Variants in VPS39 observed in about 807,000 individuals in gnomAD.
VPS39 encodes the protein vam6/Vps39-like protein.
A neutral mutation model predicts 121.0 loss-of-function variants in VPS39; 70 were observed. The ratio of observed to expected loss-of-function variants is 0.58; its 90% CI spans 0.48 to 0.71. VPS39 has a LOEUF of 0.71. VPS39 is among the 30% of genes least tolerant of loss of function. VPS39 has a pLI of 0.00. For synonymous variants in VPS39, 378 were observed against 398.1 expected, an observed-to-expected ratio of 0.95 and a Z score of 0.60; for missense variants, 818 against 1,051.5, an observed-to-expected ratio of 0.78 and a Z score of 3.07.
rs1478939201 is a variant in VPS39, at chr15:42,164,420, A to G, written c.1964T>C (p.Met655Thr). Residue 655 changes from methionine (M) to threonine (T), a missense_variant, in exon 19 of 25, where the codon ATG becomes ACG. Coordinates refer to ENST00000318006, the MANE Select transcript of VPS39 (RefSeq NM_015289.5). ...ELGEYRQKLL[M>T]FLEISSYYDP... ...ATAGTAGCTGGAAATCTCCAAGAAC[A>G]TGAGGAGCTTTTGCCGGTATTCTCC... is the stretch of plus-strand genomic sequence containing the variant. The G allele has an allele frequency of 6.2e-7, 1 of 1,614,188 alleles. No homozygotes were observed. Among genetic ancestry groups the G allele is most frequent in the East Asian group, 2.2e-5 (1 of 44,882 alleles).
In VPS39 at chr15:42,187,845, G is replaced by C; in HGVS notation, c.354C>G (p.Thr118=). The stretch of plus-strand genomic sequence containing the variant: ...CACACATCCGTAACACCTCCTCACC[G>C]GTCTCTGTGTGCTGGGAGGAGACAT... ...LFTCDLQHTE[T]GEEVLRMCVA... The change falls in exon 6 of 25, where the codon ACC becomes ACG. Residue 118 remains threonine, a synonymous_variant. Coordinates refer to ENST00000318006, the MANE Select transcript of VPS39 (RefSeq NM_015289.5). 1 of 1,614,000 alleles carries C rather than the reference G, an allele frequency of 6.2e-7. No homozygotes were observed. Among genetic ancestry groups the C allele is most frequent in the Admixed American group, 1.7e-5 (1 of 59,998 alleles).
rs749468087 is a variant in VPS39, at chr15:42,165,011, G to T, written c.1882C>A (p.Leu628Met). ...GAACTGGTACCTGCAGGGAAGGACAGGAGATACTCCTTCATCAGACCTTGC... is the reference window on the plus strand; with the variant it reads ...GAACTGGTACCTGCAGGGAAGGACATGAGATACTCCTTCATCAGACCTTGC... ...KVQGLMKEYL[L>M]SFPAGKTPVP... Residue 628 changes from leucine to methionine, a missense_variant, in exon 18 of 25, where the codon CTG becomes ATG. By Grantham distance (15) the Leu-to-Met change is conservative (BLOSUM62 2). Coordinates refer to ENST00000318006, the MANE Select transcript of VPS39 (RefSeq NM_015289.5). 1 of 1,614,236 alleles carries T rather than the reference G, an allele frequency of 6.2e-7. No homozygotes were observed. The highest frequency in any genetic ancestry group is 8.5e-7 in the Non-Finnish European group (1 of 1,180,042).
rs747523223 is a variant in VPS39, at chr15:42,161,758, T to G, written c.2476A>C (p.Ile826Leu). The G allele has an allele frequency of 2.2e-5, 36 of 1,614,108 alleles. No individual in the cohort carries two copies. The South Asian group carries it at 4.0e-4, about 18-fold the overall frequency. ...AEFLRVQEERILHQQVKCIIT... is the reference protein window; with the variant it reads ...AEFLRVQEERLLHQQVKCIIT... ...ATGCACTTCACCTGCTGGTGTAAAA[T>G]CCGCTCTTCCTGGACCTGGAAGAAC... is the stretch of plus-strand genomic sequence containing the variant. Residue 826 changes from isoleucine (I) to leucine (L), a missense_variant, in exon 24 of 25, where the codon ATT (isoleucine) becomes CTT (leucine). Ile to Leu is a conservative substitution (Grantham distance 5). Coordinates refer to ENST00000318006, the MANE Select transcript of VPS39 (RefSeq NM_015289.5).
intron 1 of VPS39, among the ~76,000 whole-genome samples, chr15:42,203,794 C>T (rs1429958855): frequency 6.6e-6 from 1 of 152,228 alleles, no homozygotes; most frequent in Admixed American, 6.5e-5. Flanking sequence ...TTGGGTCCTC[C>T]ACTCTCTAGG....
At chr15:42,168,566 C>CA (rs1222834768) in intron 12 of VPS39, among the ~76,000 whole-genome samples, 4 of 143,326 alleles carry the variant, frequency 2.8e-5, no homozygotes, top group African/African-American at 5.2e-5. Context: ...TTTTTTGAGA[C>CA]AGAGTCTCAC....
Position 42,166,792 on chromosome 15 carries a change from T to A in VPS39, c.1499A>T (p.Lys500Met). ...CACACCTTTCTCGTGGAGCCCCTTC[T>A]TCTCATACAGGATGATAAGCTCACT... is the stretch of plus-strand genomic sequence containing the variant. ...KYSELIILYE[K>M]KGLHEKALQV... is the part of the protein sequence containing the mutation. Residue 500 changes from lysine to methionine, a missense_variant, in exon 14 of 25, where the codon AAG becomes ATG. Coordinates refer to ENST00000318006, the MANE Select transcript of VPS39 (RefSeq NM_015289.5). 1.9e-6 allele frequency: 3 copies of A among 1,614,206 alleles called. No homozygotes were observed. Among genetic ancestry groups the A allele is most frequent in the Non-Finnish European group, 2.5e-6 (3 of 1,179,998 alleles).
chr15:42,192,349 CA>C (rs2140879477), intron 2 of VPS39, among the ~76,000 whole-genome samples: 1 of 152,286 alleles, frequency 6.6e-6, no homozygotes, highest in South Asian at 2.1e-4. Context: ...ATTCCAAGCT[CA>C]TATTTGAGGG....
At position 42,189,226 on chromosome 15, in the gene VPS39, T is replaced by G. The variant is rs372420854; in HGVS notation, c.248-18A>C. ...GTTATTTTCTGTTTGGGAGGAGGTA[T>G]AACATCAGGATCAATGATCATAATT... On this transcript the variant is annotated intron_variant, in intron 4 of 24. Transcript: ENST00000318006. The G allele has an allele frequency of 3.5e-5, 55 of 1,583,376 alleles. No individual in the cohort carries two copies. In the African/African-American group the frequency reaches 6.7e-4, roughly 19 times the overall value.
chr15:42,174,322 C>CT (rs1040808223), intron 10 of VPS39, among the ~76,000 whole-genome samples: 11 of 152,284 alleles, frequency 7.2e-5, no homozygotes, highest in African/African-American at 2.6e-4. Context: ...CCCTTACAGT[C>CT]TAACTGTAAG....
At chr15:42,191,419 T>C (rs1018461038) in intron 3 of VPS39, 77 bp downstream of exon 3, 56 of 1,431,618 alleles carry the variant, frequency 3.9e-5, no homozygotes, top group Non-Finnish European at 5.2e-5. Flanking sequence ...AGTTAATAAA[T>C]AACATTACCA....
At chr15:42,195,384 G>A (rs2049915491) in intron 2 of VPS39, among the ~76,000 whole-genome samples, 1 of 152,114 alleles carries the variant, frequency 6.6e-6, no homozygotes, top group Admixed American at 6.6e-5. Context: ...AGTCCAGCCT[G>A]GGCAATCTGG....
rs1318958851 is a variant in VPS39, at chr15:42,198,996, A to T, written c.139+900T>A. Among the ~76,000 whole-genome samples the T allele has an allele frequency of 2.0e-5, 3 of 152,272 alleles. No individual in the cohort carries two copies. The East Asian group carries it at 5.8e-4, about 29-fold the overall frequency. ...ATATCTTCTCTTTCCCGAGTGCACT[A>T]GTAAGGTGCTTTTTCCCCCAGTGTT... On this transcript the variant is annotated intron_variant, in intron 2 of 24. Coordinates refer to ENST00000318006, the MANE Select transcript of VPS39 (RefSeq NM_015289.5).
chr15:42,208,200 G>C lies in VPS39; in HGVS notation c.-47C>G, dbSNP rs750549547. ...ACCGCCGTCTCGCCCAGAGTGTTCC[G>C]GGCCGGGCTGGGGTCCGGAACGAGT... On this transcript the variant is annotated 5_prime_UTR_variant, in exon 1 of 25. Transcript: ENST00000318006. 2 of 1,551,846 alleles carry C rather than the reference G, an allele frequency of 1.3e-6. No homozygotes were observed. Among genetic ancestry groups the C allele is most frequent in the South Asian group, 1.2e-5 (1 of 84,154 alleles).
intron 10 of VPS39, among the ~76,000 whole-genome samples, chr15:42,174,734 G>A (rs2049414031): frequency 6.6e-6 from 1 of 152,164 alleles, no homozygotes; most frequent in Admixed American, 6.5e-5. Flanking sequence ...AGCACCTTGG[G>A]AGGCCGAGGT....
At position 42,162,350 on chromosome 15, in the gene VPS39, G is replaced by T; in HGVS notation, c.2307C>A (p.Ser769Arg). ...AALQVLELHHSKLDTTKALNL... is the reference protein window; with the variant it reads ...AALQVLELHHRKLDTTKALNL... ...TCCTGACCTTGGTGGTGTCCAGTTTGCTGTGGTGTAGCTCGAGGACCTGCA... is the reference window on the plus strand; with the variant it reads ...TCCTGACCTTGGTGGTGTCCAGTTTTCTGTGGTGTAGCTCGAGGACCTGCA... The change falls in exon 22 of 25, where the codon AGC (serine) becomes AGA (arginine). Residue 769 changes from serine (S) to arginine (R), a missense_variant. Coordinates refer to ENST00000318006, the MANE Select transcript of VPS39 (RefSeq NM_015289.5). 6.2e-7 allele frequency: 1 copy of T among 1,612,378 alleles called. No homozygotes were observed. The highest frequency in any genetic ancestry group is 8.5e-7 in the Non-Finnish European group (1 of 1,178,978).
intron 7 of VPS39, among the ~76,000 whole-genome samples, chr15:42,186,398 G>A (rs1169396507): frequency 1.3e-5 from 2 of 152,132 alleles, no homozygotes; most frequent in South Asian, 2.1e-4. Context: ...CCAAGATCCT[G>A]CCACTGCACT....
chr15:42,206,185 C>CATT (rs2140896986), intron 1 of VPS39, among the ~76,000 whole-genome samples: 1 of 152,274 alleles, frequency 6.6e-6, no homozygotes, highest in African/African-American at 2.4e-5. Flanking sequence ...GTCTCTAAGA[C>CATT]ATTTACACCT....
Position 42,173,787 on chromosome 15 carries a change from G to A in VPS39, c.1026C>T (p.Ala342=), listed in dbSNP as rs1274972394. ...QQIHHIKNLY[A]FNLFCQKRFD... ...AACGCTTCTGGCAGAAGAGGTTGAA[G>A]GCATACAAGTTCTTGATGTGATGAA... is the stretch of plus-strand genomic sequence containing the variant. The change falls in exon 11 of 25, where the codon GCC becomes GCT. Residue 342 remains alanine (A), a synonymous_variant. Coordinates refer to ENST00000318006, the MANE Select transcript of VPS39 (RefSeq NM_015289.5). 6.2e-7 allele frequency: 1 copy of A among 1,614,178 alleles called. No individual in the cohort carries two copies. The highest frequency in any genetic ancestry group is 1.7e-5 in the Admixed American group (1 of 60,014).
intron 8 of VPS39, among the ~76,000 whole-genome samples, chr15:42,179,405 TAA>T (rs908814358): frequency 2.8e-5 from 4 of 140,598 alleles, no homozygotes; most frequent in Admixed American, 7.1e-5. Flanking sequence ...CTGTCTCTAC[TAA>T]AAAAAAAAAA....
Sources: allele counts gnomAD v4.1 joint callset (sites outside exome capture counted in the v4.1 genomes callset), GRCh38; gene constraint gnomAD v4.1.1; transcripts MANE v1.5; gene names NCBI Gene and HGNC (gene_info 2026-07-23, HGNC 2026-07-21).